Variants in RBBP6 observed in about 807,000 individuals in gnomAD.
RBBP6 encodes E3 ubiquitin-protein ligase RBBP6.
In RBBP6, 25 loss-of-function variants were observed where a neutral mutation model predicts 167.7. The ratio of observed to expected loss-of-function variants is 0.15; its 90% CI spans 0.11 to 0.21. RBBP6 has a LOEUF of 0.21. Among genes scored for constraint, RBBP6 ranks in the 10% least tolerant of loss-of-function variants. The pLI is 1.00. For missense variants in RBBP6, 1,868 were observed against 2,134.2 expected (o/e 0.88, Z 2.46); for synonymous variants, 789 against 735.8 (o/e 1.07, Z -1.17).
chr16:24,554,774 T>TG (rs1447243905), intron 4 of RBBP6: 67 of 151,556 alleles, frequency 4.4e-4, no homozygotes, highest in East Asian at 1.4e-3. Context: ...GGTTTTTTTT[T>TG]TTTGTTTTTT....
In RBBP6 at chr16:24,548,903, TA is replaced by T. The variant is rs1334856543; in HGVS notation, c.267-39del. ...TAAAATTTATTAGCACAAAAATTCATAAATAGCTAATGTTAATTTTTGTTTT... is the reference window on the plus strand; with the variant it reads ...TAAAATTTATTAGCACAAAAATTCATAATAGCTAATGTTAATTTTTGTTTT... On this transcript the variant is annotated intron_variant, in intron 2 of 17. Transcript: ENST00000319715. 3.3e-6 allele frequency: 5 copies of T among 1,503,498 alleles called. No homozygotes were observed. In the African/African-American group the frequency reaches 4.2e-5, roughly 12 times the overall value. The allele number at this position is 1,503,498 out of a possible 1,614,324, so 93.1% of individuals were successfully genotyped here. A position where few individuals can be genotyped will look rare whatever the true frequency, so the allele number is the denominator to read the frequency against.
At chr16:24,546,987 T>C (rs915599065) in intron 2 of RBBP6, among the ~76,000 whole-genome samples, 6 of 152,244 alleles carry the variant, frequency 3.9e-5, no homozygotes, top group African/African-American at 1.4e-4. Context: ...TAAAACCTTA[T>C]ATCCTTAACT....
At position 24,540,609 on chromosome 16, in the gene RBBP6, T is replaced by C; in HGVS notation, c.-18T>C. On this transcript the variant is annotated 5_prime_UTR_variant, in exon 1 of 18. Transcript: ENST00000319715. ...GTGTCCACGTCTCCTCGCTGAACCTTAGGAATCCCTTGGCACCATGTCCTG... is the reference window on the plus strand; with the variant it reads ...GTGTCCACGTCTCCTCGCTGAACCTCAGGAATCCCTTGGCACCATGTCCTG... The C allele has an allele frequency of 6.2e-7, 1 of 1,604,996 alleles. No individual in the cohort carries two copies. The highest frequency in any genetic ancestry group is 8.5e-7 in the Non-Finnish European group (1 of 1,174,550).
In RBBP6 at chr16:24,569,862, C is replaced by G; in HGVS notation, c.3172C>G (p.Pro1058Ala). ...ERERSPRSEPPIKKAKEETPK... is the reference protein window; with the variant it reads ...ERERSPRSEPAIKKAKEETPK... ...TGAGAGATCTCCTCGATCTGAACCT[C>G]CAATTAAAAAAGCCAAAGAGGAGAC... The change falls in exon 17 of 18, where the codon CCA (proline) becomes GCA (alanine). Residue 1058 changes from proline to alanine, a missense_variant. This residue lies in a region of RBBP6 where 673 missense variants were observed against 691.5 expected (regional missense o/e 0.97). Coordinates refer to ENST00000319715, the MANE Select transcript of RBBP6 (RefSeq NM_006910.5). The G allele has an allele frequency of 6.2e-7, 1 of 1,610,470 alleles. No individual in the cohort carries two copies. Among genetic ancestry groups the G allele is most frequent in the Non-Finnish European group, 8.5e-7 (1 of 1,179,218 alleles).
intron 16 of RBBP6, 105 bp from the exon 17 acceptor site, chr16:24,568,640 T>C (rs1269289566): frequency 2.0e-5 from 29 of 1,419,412 alleles, no homozygotes; most frequent in Non-Finnish European, 2.6e-5. Context: ...AAATTTGATA[T>C]AAAGATAGAT....
chr16:24,552,789 A>G (rs1201354593), intron 3 of RBBP6, among the ~76,000 whole-genome samples: 1 of 150,850 alleles, frequency 6.6e-6, no homozygotes, highest in Non-Finnish European at 1.5e-5. Flanking sequence ...GCTCATTAAA[A>G]TACCTTTTTT....
Position 24,570,383 on chromosome 16 carries a change from C to G in RBBP6, c.3693C>G (p.Pro1231=). The G allele has an allele frequency of 1.2e-6, 2 of 1,612,772 alleles. No individual in the cohort carries two copies. Residue 1231 remains proline (P), a synonymous_variant, in exon 17 of 18, where the codon CCC becomes CCG. Coordinates refer to ENST00000319715, the MANE Select transcript of RBBP6 (RefSeq NM_006910.5). The stretch of plus-strand genomic sequence containing the variant: ...AAAATATATCAAACACAAAAGAACC[C>G]TCTGAAAAATTGGAGTCAACATCTA... The part of the protein sequence containing the change: ...STENISNTKE[P]SEKLESTSSK...
At chr16:24,543,809 A>C (rs1486381189) in intron 1 of RBBP6, among the ~76,000 whole-genome samples, 1 of 152,138 alleles carries the variant, frequency 6.6e-6, no homozygotes, top group Non-Finnish European at 1.5e-5. Flanking sequence ...TTGGAAGCTG[A>C]ATATGAAGTG....
chr16:24,552,471 G>A (rs573866548), intron 3 of RBBP6, among the ~76,000 whole-genome samples: 2 of 151,926 alleles, frequency 1.3e-5, no homozygotes, highest in South Asian at 2.1e-4. Flanking sequence ...CACTTACTAC[G>A]TAGGAAGCTG....
Position 24,572,352 on chromosome 16 carries a change from A to G in RBBP6, c.5286A>G (p.Lys1762=). ...AAGTGGAATTGGAAAAAAGCCAAAA[A>G]CACAAACACAAGAAAAAGAAGTCAA... ...GTEVELEKSQ[K]HKHKKKKSKK... Residue 1762 remains lysine, a synonymous_variant, in exon 18 of 18, where the codon AAA becomes AAG. Transcript: ENST00000319715. The G allele has an allele frequency of 6.4e-7, 1 of 1,553,044 alleles. No individual in the cohort carries two copies. Among genetic ancestry groups the G allele is most frequent in the African/African-American group, 1.4e-5 (1 of 73,170 alleles).
At chr16:24,551,199 T>G (rs1476932078) in intron 3 of RBBP6, among the ~76,000 whole-genome samples, 2 of 151,842 alleles carry the variant, frequency 1.3e-5, no homozygotes, top group African/African-American at 4.8e-5. Context: ...TTTTAGATCC[T>G]TGCTTCCCAA....
chr16:24,544,953 TTCTG>T (rs938672950), intron 1 of RBBP6, among the ~76,000 whole-genome samples: 11 of 152,172 alleles, frequency 7.2e-5, no homozygotes, highest in African/African-American at 2.7e-4. Context: ...CCTGCAAACA[TTCTG>T]TCTTTATTTC....
intron 9 of RBBP6, 47 bp downstream of exon 9, chr16:24,561,762 T>C (rs1899061521): frequency 6.2e-7 from 1 of 1,606,972 alleles, no homozygotes; most frequent in Non-Finnish European, 8.5e-7. Context: ...TTAACTGATT[T>C]AACTGTACTT....
At chr16:24,552,954 A>G (rs934013338) in intron 3 of RBBP6, 8 of 151,888 alleles carry the variant, frequency 5.3e-5, no homozygotes, top group African/African-American at 1.9e-4. Flanking sequence ...CTTTGCCCTG[A>G]GAAAGCTGTG....
chr16:24,566,245 G>A (rs896279938), intron 14 of RBBP6, among the ~76,000 whole-genome samples: 3 of 152,124 alleles, frequency 2.0e-5, no homozygotes, highest in Non-Finnish European at 2.9e-5. Context: ...ATAATTTAAA[G>A]CACCTCTAGT....
At chr16:24,540,839 C>A in intron 1 of RBBP6, 47 bp downstream of exon 1, 1 of 1,583,296 alleles carries the variant, frequency 6.3e-7, no homozygotes. Context: ...GAGAGAGATA[C>A]TAGCTAGAAG....
intron 2 of RBBP6, among the ~76,000 whole-genome samples, chr16:24,548,317 G>GTTTTTTTT (rs67923848): frequency 1.4e-5 from 2 of 143,654 alleles, no homozygotes; most frequent in Non-Finnish European, 1.5e-5. Context: ...TTTTTGTTCA[G>GTTTTTTTT]TTTTTTTTTT....
intron 8 of RBBP6, 143 bp downstream of exon 8, chr16:24,559,820 A>T (rs1431544505): frequency 1.5e-6 from 1 of 669,598 alleles, no homozygotes; most frequent in East Asian, 3.4e-5. Flanking sequence ...AAGTAGTGAG[A>T]AGTCTGTTTT....
At chr16:24,546,298 C>CTT (rs3214553) in intron 2 of RBBP6, 36 bp downstream of exon 2, 9 of 1,492,586 alleles carry the variant, frequency 6.0e-6, no homozygotes, top group Admixed American at 2.6e-5. Context: ...TCAAAATAGA[C>CTT]TTTTTTTAGT....
Sources: gnomAD v4.1 joint callset for allele counts (sites outside exome capture counted in the v4.1 genomes callset) on GRCh38, gnomAD v4.1.1 for gene constraint, gnomAD v4.1.1 regional missense constraint, MANE v1.5 for transcripts, NCBI Gene and HGNC (gene_info 2026-07-23, HGNC 2026-07-21) for gene names.